PLPP1: variants seen among roughly 807,000 people sequenced by gnomAD.
The protein encoded by PLPP1 is lipid phosphate phosphohydrolase 1a.
A neutral mutation model predicts 31.2 loss-of-function variants in PLPP1; 24 were observed. The ratio of observed to expected loss-of-function variants is 0.77; its 90% CI spans 0.56 to 1.08. PLPP1 has a LOEUF of 1.08. Among genes scored for constraint, PLPP1 ranks in the 50% least tolerant of loss-of-function variants. The probability of loss-of-function intolerance (pLI) is 0.00; values close to 1 mark genes in which losing one functional copy is unlikely to be tolerated. For synonymous variants in PLPP1, 146 were observed against 126.3 expected, an observed-to-expected ratio of 1.16 and a Z score of -1.05; for missense variants, 319 against 342.7, an observed-to-expected ratio of 0.93 and a Z score of 0.55.
chr5:55,438,587 G>T (rs1751548327), intron 4 of PLPP1, among the ~76,000 whole-genome samples: 1 of 152,096 alleles, frequency 6.6e-6, no homozygotes, highest in Admixed American at 6.5e-5. Flanking sequence ...AAGGAATTCG[G>T]GGGTGGGGCT....
At chr5:55,466,457 C>T (rs1019708784) in intron 3 of PLPP1, among the ~76,000 whole-genome samples, 6 of 152,150 alleles carry the variant, frequency 3.9e-5, no homozygotes, top group Non-Finnish European at 1.5e-5. Flanking sequence ...AATCCCAGCA[C>T]TCTGGGAACC....
chr5:55,491,666 T>C (rs1439516964), intron 1 of PLPP1, among the ~76,000 whole-genome samples: 1 of 151,776 alleles, frequency 6.6e-6, no homozygotes, highest in Non-Finnish European at 1.5e-5. Context: ...AAGACGAGCC[T>C]GGCCAATATG....
At chr5:55,462,674 T>C (rs1370082293) in intron 3 of PLPP1, among the ~76,000 whole-genome samples, 4 of 151,956 alleles carry the variant, frequency 2.6e-5, no homozygotes, top group Non-Finnish European at 4.4e-5. Flanking sequence ...AAACCACCAT[T>C]AAGAAAATAA....
intron 5 of PLPP1, 47 bp from the exon 6 acceptor site, chr5:55,425,381 CTACA>C: frequency 2.0e-6 from 3 of 1,502,498 alleles, no homozygotes; most frequent in African/African-American, 2.8e-5. Context: ...AAGTTAAAAA[CTACA>C]TACAAAGTTG....
chr5:55,485,346 T>C (rs1332358379), intron 1 of PLPP1, among the ~76,000 whole-genome samples: 3 of 150,372 alleles, frequency 2.0e-5, no homozygotes, highest in Non-Finnish European at 4.4e-5. Flanking sequence ...TATGTGTAGA[T>C]CCACTCAGGT....
chr5:55,530,924 G>A (rs750467820), intron 1 of PLPP1, among the ~76,000 whole-genome samples: 5 of 151,962 alleles, frequency 3.3e-5, no homozygotes, highest in Non-Finnish European at 2.9e-5. Flanking sequence ...CGGCCCCGAT[G>A]GTGACATGGT....
In PLPP1 at chr5:55,425,222, C is replaced by T. The variant is rs1399748333; in HGVS notation, c.839G>A (p.Ser280Asn). 2.5e-6 allele frequency: 4 copies of T among 1,613,606 alleles called. No homozygotes were observed. In the Admixed American group the frequency reaches 6.7e-5, roughly 27 times the overall value. The change falls in exon 6 of 6, where the codon AGC (serine) becomes AAC (asparagine). Residue 280 changes from serine to asparagine, a missense_variant. By Grantham distance (46) the Ser-to-Asn change is conservative. Transcript: ENST00000307259. ...TGCTGCCTTTCAAGGCTGGTGATTG[C>T]TCGGATAGTGATTCCCAGTTGTTGG... ...ETPTTGNHYPSNHQP is the reference protein window; with the variant it reads ...ETPTTGNHYPNNHQP
At chr5:55,517,838 A>G (rs1753583932) in intron 1 of PLPP1, among the ~76,000 whole-genome samples, 1 of 152,106 alleles carries the variant, frequency 6.6e-6, no homozygotes, top group Non-Finnish European at 1.5e-5. Flanking sequence ...GCTACCAGCA[A>G]TATCTACTTT....
At chr5:55,529,960 T>C (rs187917144) in intron 1 of PLPP1, among the ~76,000 whole-genome samples, 2 of 152,368 alleles carry the variant, frequency 1.3e-5, no homozygotes, top group African/African-American at 4.8e-5. Context: ...TTAAAGCTAA[T>C]GTCATAACTT....
chr5:55,425,370 C>CAAGT (rs1751153492), intron 5 of PLPP1, 36 bp from the exon 6 acceptor site: 3 of 1,535,636 alleles, frequency 2.0e-6, no homozygotes, highest in Non-Finnish European at 2.7e-6. Flanking sequence ...TAATTTAGAT[C>CAAGT]AAGTTAAAAA....
chr5:55,493,534 G>C (rs1752941389), intron 1 of PLPP1, among the ~76,000 whole-genome samples: 2 of 151,838 alleles, frequency 1.3e-5, no homozygotes, highest in Non-Finnish European at 2.9e-5. Flanking sequence ...CTTGAGGCCA[G>C]AAGTTCAAGA....
At chr5:55,517,521 CAT>C (rs1267089074) in intron 1 of PLPP1, among the ~76,000 whole-genome samples, 5 of 152,246 alleles carry the variant, frequency 3.3e-5, no homozygotes, top group East Asian at 1.9e-4. Flanking sequence ...AATCATGAAA[CAT>C]GTGAGGATAT....
At chr5:55,527,254 G>A (rs906433362) in intron 1 of PLPP1, among the ~76,000 whole-genome samples, 1 of 152,210 alleles carries the variant, frequency 6.6e-6, no homozygotes, top group East Asian at 1.9e-4. Context: ...GGGGTAAAAT[G>A]ATGTCAGCAT....
At chr5:55,453,138 C>T (rs1751929231) in intron 3 of PLPP1, among the ~76,000 whole-genome samples, 1 of 152,154 alleles carries the variant, frequency 6.6e-6, no homozygotes, top group African/African-American at 2.4e-5. Context: ...TAAACAATTT[C>T]ACCTTCTCTC....
At chr5:55,432,856 C>T (rs1392501944) in intron 4 of PLPP1, among the ~76,000 whole-genome samples, 3 of 149,874 alleles carry the variant, frequency 2.0e-5, no homozygotes, top group African/African-American at 7.4e-5. Flanking sequence ...CATAACTCAA[C>T]ATGATAAATG....
intron 3 of PLPP1, among the ~76,000 whole-genome samples, chr5:55,445,116 C>A (rs1488921309): frequency 6.6e-6 from 1 of 152,084 alleles, no homozygotes; most frequent in African/African-American, 2.4e-5. Flanking sequence ...CAGGGCACCC[C>A]CTTCTCAGAG....
chr5:55,503,521 A>G (rs1232781670), intron 1 of PLPP1, among the ~76,000 whole-genome samples: 2 of 151,884 alleles, frequency 1.3e-5, no homozygotes, highest in Non-Finnish European at 2.9e-5. Context: ...CATGCCTGTA[A>G]TCTCAGCACT....
chr5:55,475,977 T>A (rs1293954570), intron 1 of PLPP1, among the ~76,000 whole-genome samples: 2 of 55,992 alleles, frequency 3.6e-5, no homozygotes, highest in Non-Finnish European at 9.1e-5. Context: ...GAACTTAAAG[T>A]TTCTTTTTTT....
At chr5:55,465,192 C>T (rs890769867) in intron 3 of PLPP1, among the ~76,000 whole-genome samples, 10 of 151,776 alleles carry the variant, frequency 6.6e-5, no homozygotes, top group Admixed American at 5.3e-4. Flanking sequence ...TACAGGTGTG[C>T]GGCCACCATG....
Sources: allele counts gnomAD v4.1 joint callset (sites outside exome capture counted in the v4.1 genomes callset), GRCh38; gene constraint gnomAD v4.1.1; transcripts MANE v1.5; gene names NCBI Gene and HGNC (gene_info 2026-07-23, HGNC 2026-07-21).